The following UBN2 variants were observed in gnomAD, a reference collection of about 807,000 sequenced individuals.
The protein encoded by UBN2 is ubinuclein 2.
In UBN2, 35 loss-of-function variants were observed where a neutral mutation model predicts 120.2. The ratio of observed to expected loss-of-function variants is 0.29; its 90% CI spans 0.22 to 0.39. The LOEUF (loss-of-function observed/expected upper bound fraction) is 0.39. UBN2 is among the 10% of genes least tolerant of loss of function. The probability of loss-of-function intolerance (pLI) is 1.00; values close to 1 mark genes in which losing one functional copy is unlikely to be tolerated. For missense variants in UBN2, 1,693 were observed against 1,663.2 expected, an observed-to-expected ratio of 1.02 and a Z score of -0.31; for synonymous variants, 661 against 648.7, an observed-to-expected ratio of 1.02 and a Z score of -0.29.
chr7:139,276,855 G>A (rs2131019869), intron 12 of UBN2: 1 of 154,968 alleles, frequency 6.5e-6, no homozygotes, highest in East Asian at 1.9e-4. Context: ...CTTGAGCCCA[G>A]GAGTTTGAGA....
At chr7:139,314,064 C>A in the UBN2 span, among the ~76,000 whole-genome samples, 1 of 149,728 alleles carries the variant, frequency 6.7e-6, no homozygotes, top group Non-Finnish European at 1.5e-5. Flanking sequence ...GTCAGGCTGG[C>A]CTTGAACTCC....
chr7:139,261,114 AG>A (rs1309254009), intron 5 of UBN2, 137 bp from the exon 6 acceptor site: 2 of 995,866 alleles, frequency 2.0e-6, no homozygotes, highest in Admixed American at 6.0e-5. Context: ...CTATTGTAAT[AG>A]TATAAGTTAA....
chr7:139,297,892 T>C lies in UBN2; in HGVS notation c.*56T>C. The C allele has an allele frequency of 6.3e-7, 1 of 1,584,108 alleles. No individual in the cohort carries two copies. Among genetic ancestry groups the C allele is most frequent in the Non-Finnish European group, 8.7e-7 (1 of 1,153,008 alleles). ...TAGTTGACTGATGGAATCTACCTGA[T>C]GGGAAAGTACTTATGTGGTCATAGG... is the stretch of plus-strand genomic sequence containing the variant. On this transcript the variant is annotated 3_prime_UTR_variant, in exon 18 of 18. Transcript: ENST00000473989.
intron 3 of UBN2, among the ~76,000 whole-genome samples, chr7:139,257,182 C>G (rs1380876410): frequency 1.3e-5 from 2 of 152,070 alleles, no homozygotes; most frequent in African/African-American, 4.8e-5. Context: ...TTAGTGTTTG[C>G]TTTTTAGCCA....
intron 17 of UBN2, among the ~76,000 whole-genome samples, chr7:139,296,693 A>G (rs1241863124): frequency 6.6e-6 from 1 of 152,116 alleles, no homozygotes; most frequent in South Asian, 2.1e-4. Flanking sequence ...AGTAATCAAC[A>G]TTTTTTCTGC....
At chr7:139,292,018 C>T (rs1797971924) in intron 15 of UBN2, among the ~76,000 whole-genome samples, 1 of 152,022 alleles carries the variant, frequency 6.6e-6, no homozygotes, top group East Asian at 1.9e-4. Flanking sequence ...GAGGCCAACG[C>T]AGTGAGGAGA....
rs1265987585 is a variant in UBN2 at position 139,231,396 on chromosome 7, A to G, written c.-89A>G. ...GGGTGGTGGAGGGAAGAAAAGCGACAGAGAGCAAGAGGAAGGGCGGGCAGG... is the reference window on the plus strand; with the variant it reads ...GGGTGGTGGAGGGAAGAAAAGCGACGGAGAGCAAGAGGAAGGGCGGGCAGG... On this transcript the variant is annotated 5_prime_UTR_variant, in exon 1 of 18. Transcript: ENST00000473989. 1 of 1,100,476 alleles carries G rather than the reference A, an allele frequency of 9.1e-7. No individual in the cohort carries two copies. The highest frequency in any genetic ancestry group is 1.6e-5 in the African/African-American group (1 of 61,414). 68.2% of individuals were successfully genotyped at this position (1,100,476 alleles called of 1,614,324 possible).
the UBN2 span, among the ~76,000 whole-genome samples, chr7:139,321,582 CT>C: frequency 6.6e-6 from 1 of 152,142 alleles, no homozygotes; most frequent in Non-Finnish European, 1.5e-5. Context: ...ATGGGATAAC[CT>C]CAATAGAGGG....
intron 3 of UBN2, among the ~76,000 whole-genome samples, chr7:139,254,983 T>A (rs1796719978): frequency 6.6e-6 from 1 of 152,170 alleles, no homozygotes; most frequent in Admixed American, 6.6e-5. Flanking sequence ...ACATTAGGGT[T>A]CATTCTTGGG....
Position 139,293,363 on chromosome 7 carries a change from CCAG to C in UBN2, c.3802_3804del (p.Gln1268del), listed in dbSNP as rs1162183731. Reference sequence around the variant, plus strand: ...GCCTTGTTCCAGTGACCATGCCCTTCCAGTTTCCCTTGGAGATATTTGGCTTTG... The same window carrying C: ...GCCTTGTTCCAGTGACCATGCCCTTCTTTCCCTTGGAGATATTTGGCTTTG... On this transcript the variant is annotated inframe_deletion, in exon 16 of 18. Transcript: ENST00000473989. The C allele has an allele frequency of 6.2e-7, 1 of 1,614,112 alleles. No homozygotes were observed. Among genetic ancestry groups the C allele is most frequent in the East Asian group, 2.2e-5 (1 of 44,882 alleles).
the UBN2 span, among the ~76,000 whole-genome samples, chr7:139,313,777 T>C: frequency 6.6e-6 from 1 of 152,192 alleles, no homozygotes; most frequent in Non-Finnish European, 1.5e-5. Context: ...CTGGGAAGGT[T>C]GATTATATGC....
the UBN2 span, among the ~76,000 whole-genome samples, chr7:139,330,219 G>A: frequency 6.6e-6 from 1 of 152,198 alleles, no homozygotes; most frequent in South Asian, 2.1e-4. Flanking sequence ...ATTAATGCAA[G>A]TTTGGGGTAT....
At chr7:139,249,536 C>T (rs1796563028) in intron 2 of UBN2, among the ~76,000 whole-genome samples, 1 of 152,120 alleles carries the variant, frequency 6.6e-6, no homozygotes, top group African/African-American at 2.4e-5. Flanking sequence ...TCATCTTTAA[C>T]CATTAGAATC....
rs1297688494 is a variant in UBN2 at position 139,266,242 on chromosome 7, AAAAG to A, written c.1396-87_1396-84del. On this transcript the variant is annotated intron_variant, in intron 6 of 17. Transcript: ENST00000473989. Reference sequence around the variant, plus strand: ...GCCCTATCTCAAAAAAAAAAAAAAAAAAAGAAAAAAACCTTTGAACACGTGTCCT... The same window carrying A: ...GCCCTATCTCAAAAAAAAAAAAAAAAAAAAAAACCTTTGAACACGTGTCCT... The A allele has an allele frequency of 2.8e-4, 232 of 843,098 alleles. 2 individuals are homozygous for A. In the African/African-American group the frequency reaches 3.7e-3, roughly 13 times the overall value. The allele number at this position is 843,098 out of a possible 1,614,324, so 52.2% of individuals were successfully genotyped here. A position where few individuals can be genotyped will look rare whatever the true frequency, so the allele number is the denominator to read the frequency against.
At chr7:139,314,983 T>C in the UBN2 span, among the ~76,000 whole-genome samples, 2 of 151,122 alleles carry the variant, frequency 1.3e-5, no homozygotes, top group African/African-American at 2.4e-5. Flanking sequence ...ATAATATTAT[T>C]ATTATTATTT....
chr7:139,252,690 T>C lies in UBN2; in HGVS notation c.663+633T>C, dbSNP rs149585618. On this transcript the variant is annotated intron_variant, in intron 3 of 17. Coordinates refer to ENST00000473989, the MANE Select transcript of UBN2 (RefSeq NM_173569.4). The stretch of plus-strand genomic sequence containing the variant: ...CCTTTCCAGTTCCTGAAAGAATCTC[T>C]TGGGATTCTCTAGTAGTTGCTCATT... Among the ~76,000 whole-genome samples, 103 of 152,252 alleles carry C rather than the reference T, an allele frequency of 6.8e-4. No homozygotes were observed. The East Asian group carries it at 0.018, about 27-fold the overall frequency.
chr7:139,292,246 C>T (rs1797981497), intron 15 of UBN2, among the ~76,000 whole-genome samples: 1 of 151,866 alleles, frequency 6.6e-6, no homozygotes, highest in South Asian at 2.1e-4. Flanking sequence ...ACAGGAGACC[C>T]TGTCTCAAAA....
At chr7:139,236,097 C>T (rs1265386829) in intron 1 of UBN2, among the ~76,000 whole-genome samples, 1 of 151,976 alleles carries the variant, frequency 6.6e-6, no homozygotes, top group Non-Finnish European at 1.5e-5. Flanking sequence ...TTTTTTTGTG[C>T]ATTGAAAACC....
At chr7:139,327,992 A>G in the UBN2 span, among the ~76,000 whole-genome samples, 1 of 152,212 alleles carries the variant, frequency 6.6e-6, no homozygotes, top group Non-Finnish European at 1.5e-5. Context: ...TAAAATAAAC[A>G]TGAATGTGAG....
Sources: gnomAD v4.1 joint callset for allele counts (sites outside exome capture counted in the v4.1 genomes callset) on GRCh38, gnomAD v4.1.1 for gene constraint, MANE v1.5 for transcripts, NCBI Gene and HGNC (gene_info 2026-07-23, HGNC 2026-07-21) for gene names.